Variants in CR2 observed in about 807,000 individuals in gnomAD.
CR2 encodes complement receptor type 2.
A neutral mutation model predicts 123.0 loss-of-function variants in CR2; 96 were observed. The ratio of observed to expected loss-of-function variants is 0.78; its 90% CI spans 0.66 to 0.93. The LOEUF is 0.93. Ranked by LOEUF, CR2 falls within the 40% of genes least tolerant of loss-of-function variation. The probability of loss-of-function intolerance (pLI) is 0.00; values close to 1 mark genes in which losing one functional copy is unlikely to be tolerated. For synonymous variants in CR2, 484 were observed against 469.5 expected (o/e 1.03, Z -0.40); for missense variants, 1,258 against 1,361.0 (o/e 0.92, Z 1.19).
intron 18 of CR2, among the ~76,000 whole-genome samples, chr1:207,482,555 A>G (rs1203495042): frequency 1.3e-5 from 2 of 152,202 alleles, no homozygotes; most frequent in African/African-American, 2.4e-5. Flanking sequence ...ATACTAGGCT[A>G]GAATCACAAA....
intron 1 of CR2, among the ~76,000 whole-genome samples, chr1:207,464,859 CA>C (rs138583038): frequency 0.013 from 2,014 of 152,158 alleles, 26 homozygotes; most frequent in Non-Finnish European, 0.019. Flanking sequence ...ATGGAAAGAG[CA>C]GAAGGAAGAT....
chr1:207,469,114 G>A, intron 4 of CR2, 36 bp from the exon 5 acceptor site: 2 of 1,573,662 alleles, frequency 1.3e-6, no homozygotes, highest in Non-Finnish European at 1.7e-6. Flanking sequence ...AGCACAAACT[G>A]CCTAATAGTT....
chr1:207,462,716 T>C (rs1253117486), intron 1 of CR2, among the ~76,000 whole-genome samples: 1 of 152,192 alleles, frequency 6.6e-6, no homozygotes, highest in African/African-American at 2.4e-5. Context: ...GTCCAGTCAC[T>C]AAACTTCAGT....
intron 1 of CR2, among the ~76,000 whole-genome samples, chr1:207,464,160 G>C (rs914220085): frequency 6.6e-6 from 1 of 152,156 alleles, no homozygotes; most frequent in Non-Finnish European, 1.5e-5. Context: ...TGTGGTCTGG[G>C]GCGGGGACTG....
chr1:207,479,182 A>G lies in CR2; in HGVS notation c.3089-75A>G. ...CTAGAGTGTTGATTTCTGGGACATTACCATGAAACGTGGGGCTACATTGAA... is the reference window on the plus strand; with the variant it reads ...CTAGAGTGTTGATTTCTGGGACATTGCCATGAAACGTGGGGCTACATTGAA... On this transcript the variant is annotated intron_variant, in intron 16 of 19. Coordinates refer to ENST00000367057, the MANE Select transcript of CR2 (RefSeq NM_001006658.3). 2.6e-6 allele frequency: 3 copies of G among 1,162,676 alleles called. No individual in the cohort carries two copies. In the South Asian group the frequency reaches 3.7e-5, roughly 14 times the overall value. 72.0% of individuals were successfully genotyped at this position (1,162,676 alleles called of 1,614,324 possible). A position where few individuals can be genotyped will look rare whatever the true frequency, so the allele number is the denominator to read the frequency against.
At chr1:207,474,450 A>G (rs1183780913) in intron 13 of CR2, 127 bp downstream of exon 13, 3 of 755,298 alleles carry the variant, frequency 4.0e-6, no homozygotes, top group Non-Finnish European at 6.9e-6. Context: ...TAGATAAGAA[A>G]AATCTTATGG....
intron 14 of CR2, 152 bp from the exon 15 acceptor site, chr1:207,476,082 G>A: frequency 1.4e-6 from 1 of 723,146 alleles, no homozygotes; most frequent in East Asian, 2.7e-5. Flanking sequence ...TCCATCCAGT[G>A]TTGCTGGTCT....
At position 207,470,922 on chromosome 1, in the gene CR2, A is replaced by G. The variant is rs41274754; in HGVS notation, c.1402+6A>G. Reference sequence around the variant, plus strand: ...CCCTGTACCCCAATGCAAAGGTGCCAGGCCTCAAATGTAGACATTTTGTTA... The same window carrying G: ...CCCTGTACCCCAATGCAAAGGTGCCGGGCCTCAAATGTAGACATTTTGTTA... On this transcript the variant is annotated splice_donor_region_variant and intron_variant, in intron 7 of 19. Transcript: ENST00000367057. The G allele has an allele frequency of 2.8e-5, 45 of 1,613,886 alleles. No individual in the cohort carries two copies. The highest frequency in any genetic ancestry group is 3.7e-5 in the Non-Finnish European group (44 of 1,179,822).
At chr1:207,469,277 A>C (rs1324596226) in intron 5 of CR2, 45 bp downstream of exon 5, 2 of 1,461,632 alleles carry the variant, frequency 1.4e-6, no homozygotes, top group Non-Finnish European at 1.9e-6. Context: ...TTCTCAGCTT[A>C]ACTAAAAGCT....
intron 1 of CR2, among the ~76,000 whole-genome samples, chr1:207,457,977 C>T (rs1470693675): frequency 6.6e-6 from 1 of 151,290 alleles, no homozygotes; most frequent in South Asian, 2.1e-4. Flanking sequence ...TACTTGGCAT[C>T]TTGATGTGGA....
At chr1:207,457,082 C>T (rs1657851481) in intron 1 of CR2, among the ~76,000 whole-genome samples, 1 of 152,210 alleles carries the variant, frequency 6.6e-6, no homozygotes, top group Admixed American at 6.5e-5. Context: ...CCACCTATCA[C>T]CATCTAAAAC....
rs934798667 is a variant in CR2 at position 207,454,650 on chromosome 1, C to T, written c.58+174C>T. ...CAATAAACCGCCTGGTCCTGATTGT[C>T]CCCACTGGCCCCTCCGGGAGCTGGG... On this transcript the variant is annotated intron_variant, in intron 1 of 19. Coordinates refer to ENST00000367057, the MANE Select transcript of CR2 (RefSeq NM_001006658.3). The surrounding 1 kb of genome is among the most constrained non-coding windows in gnomAD (Gnocchi z 4.3). 1.8e-5 allele frequency: 10 copies of T among 549,794 alleles called. No individual in the cohort carries two copies. Among genetic ancestry groups the T allele is most frequent in the Non-Finnish European group, 2.2e-5 (7 of 316,370 alleles). The allele number at this position is 549,794 out of a possible 1,614,324, so 34.1% of individuals were successfully genotyped here. A position where few individuals can be genotyped will look rare whatever the true frequency, so the allele number is the denominator to read the frequency against.
At position 207,470,104 on chromosome 1, in the gene CR2, T is replaced by G; in HGVS notation, c.1225+2T>G. 2 of 1,613,346 alleles carry G rather than the reference T, an allele frequency of 1.2e-6. No individual in the cohort carries two copies. Among genetic ancestry groups the G allele is most frequent in the Non-Finnish European group, 1.7e-6 (2 of 1,179,804 alleles). On this transcript the variant is annotated splice_donor_variant, in intron 6 of 19. Coordinates refer to ENST00000367057, the MANE Select transcript of CR2 (RefSeq NM_001006658.3). LOFTEE classifies it high-confidence loss of function. ...CATCTGCACCAGTCTGTGAAAAGGGTGAGTGTTCCGGTACTCAGAAAAGGT... is the reference window on the plus strand; with the variant it reads ...CATCTGCACCAGTCTGTGAAAAGGGGGAGTGTTCCGGTACTCAGAAAAGGT...
intron 15 of CR2, 143 bp downstream of exon 15, chr1:207,476,562 A>G (rs573763456): frequency 6.1e-4 from 451 of 735,212 alleles, no homozygotes; most frequent in Non-Finnish European, 8.9e-4. Context: ...GATTAATACA[A>G]TCATTAAATA....
rs766120010 is a variant in CR2 at position 207,473,870 on chromosome 1, C to A, written c.2225C>A (p.Thr742Lys). 1 of 1,613,750 alleles carries A rather than the reference C, an allele frequency of 6.2e-7. No homozygotes were observed. The highest frequency in any genetic ancestry group is 8.5e-7 in the Non-Finnish European group (1 of 1,179,788). The change falls in exon 12 of 20, where the codon ACG (threonine) becomes AAG (lysine). Residue 742 changes from threonine (T) to lysine (K), a missense_variant. Transcript: ENST00000367057. The part of the protein sequence containing the change: ...PAGSRVELVN[T>K]SCQDGYQLTG... ...GGTTCACGTGTGGAGCTAGTTAATA[C>A]GTCCTGCCAAGATGGGTGAGTATGA...
Position 207,461,592 on chromosome 1 carries a change from A to G in CR2, c.59-4934A>G, listed in dbSNP as rs796465470. 5.9e-5 allele frequency among the ~76,000 whole-genome samples: 9 copies of G among 152,302 alleles called. 1 individual carries two copies. In the South Asian group the frequency reaches 1.9e-3, roughly 32 times the overall value. On this transcript the variant is annotated intron_variant, in intron 1 of 19. Transcript: ENST00000367057. The stretch of plus-strand genomic sequence containing the variant: ...CCTCTCTTGGTTTTTATGTTTCTGT[A>G]GCCTTTGTCTCAGGTCCTCAGGTCA...
intron 5 of CR2, among the ~76,000 whole-genome samples, 178 bp downstream of exon 5, chr1:207,469,410 G>T (rs927553845): frequency 6.6e-6 from 1 of 152,084 alleles, no homozygotes; most frequent in Non-Finnish European, 1.5e-5. Flanking sequence ...GGGTTCCTAG[G>T]CTTTCCCTCC....
At chr1:207,469,657 A>G in intron 5 of CR2, 38 bp from the exon 6 acceptor site, 1 of 1,593,370 alleles carries the variant, frequency 6.3e-7, no homozygotes, top group Non-Finnish European at 8.6e-7. Context: ...TTTTCAATAC[A>G]CCTATGATCT....
At position 207,474,350 on chromosome 1, in the gene CR2, CA is replaced by C. The variant is rs752197112; in HGVS notation, c.2323+29del. The C allele has an allele frequency of 9.6e-5, 144 of 1,507,548 alleles. 1 individual carries two copies. Among genetic ancestry groups the C allele is most frequent in the Non-Finnish European group, 1.6e-5 (17 of 1,083,328 alleles). The allele number at this position is 1,507,548 out of a possible 1,614,324, so 93.4% of individuals were successfully genotyped here. ...TAAGTTAGAAAAAATAAAAGCCTGA[CA>C]ATGGTAATGGAGGATTAGAGAGGGC... On this transcript the variant is annotated intron_variant, in intron 13 of 19. Coordinates refer to ENST00000367057, the MANE Select transcript of CR2 (RefSeq NM_001006658.3).
Sources: gnomAD v4.1 joint callset for allele counts (sites outside exome capture counted in the v4.1 genomes callset) on GRCh38, gnomAD v4.1.1 for gene constraint, Gnocchi (gnomAD v3.1) non-coding constraint, MANE v1.5 for transcripts, NCBI Gene and HGNC (gene_info 2026-07-23, HGNC 2026-07-21) for gene names.